Variants in ITGAL observed in about 807,000 individuals in gnomAD.
ITGAL encodes integrin alpha-L.
In ITGAL, 68 loss-of-function variants were observed where a neutral mutation model predicts 138.4. That is an observed-to-expected ratio of 0.49 (90% CI 0.40 to 0.60). The LOEUF (loss-of-function observed/expected upper bound fraction) is 0.60, where lower values mean the gene tolerates loss of function less well. ITGAL is among the 20% of genes least tolerant of loss of function. ITGAL has a pLI of 0.00. For synonymous variants in ITGAL, 561 were observed against 584.3 expected (o/e 0.96, Z 0.57); for missense variants, 1,256 against 1,478.6 (o/e 0.85, Z 2.47).
rs7201914 is a variant in ITGAL, at chr16:30,510,934, G to C, written c.2673G>C (p.Ser891=). ...NTLVNSSWGD[S]VELHANVTCN... is the part of the protein sequence containing the mutation. ...TGGTAAACAGCTCCTGGGGGGACTC[G>C]GTTGAATTGCACGCCAATGTGACCT... The change falls in exon 23 of 31, where the codon TCG becomes TCC. Residue 891 remains serine, a synonymous_variant. Transcript: ENST00000356798. 1.9e-6 allele frequency: 3 copies of C among 1,613,846 alleles called. No homozygotes were observed. The highest frequency in any genetic ancestry group is 2.2e-5 in the East Asian group (1 of 44,866).
In ITGAL at chr16:30,481,530, A is replaced by G. The variant is rs1370201138; in HGVS notation, c.668A>G (p.His223Arg). ...KRKDPDALLK[H>R]VKHMLLLTNT... ...AAGGACCCTGATGCTCTGCTGAAGCATGTAAAGCACATGTTGCTGTTGACC... is the reference window on the plus strand; with the variant it reads ...AAGGACCCTGATGCTCTGCTGAAGCGTGTAAAGCACATGTTGCTGTTGACC... The change falls in exon 7 of 31, where the codon CAT becomes CGT. Residue 223 changes from histidine to arginine, a missense_variant. Transcript: ENST00000356798. The G allele has an allele frequency of 6.2e-7, 1 of 1,613,772 alleles. No individual in the cohort carries two copies. The highest frequency in any genetic ancestry group is 8.5e-7 in the Non-Finnish European group (1 of 1,179,808).
At chr16:30,478,984 A>G in intron 4 of ITGAL, 107 bp from the exon 5 acceptor site, 1 of 802,332 alleles carries the variant, frequency 1.2e-6, no homozygotes, top group Non-Finnish European at 2.1e-6. Context: ...GGATAGAGGA[A>G]GTGAGAAAGA....
chr16:30,474,022 G>A (rs567471117), intron 1 of ITGAL, 174 bp from the exon 2 acceptor site: 11 of 696,966 alleles, frequency 1.6e-5, no homozygotes, highest in African/African-American at 3.5e-5. Flanking sequence ...AGAGCTCTAG[G>A]GGGGCCGGGA....
chr16:30,485,936 T>C (rs1415268731), intron 9 of ITGAL, among the ~76,000 whole-genome samples: 1 of 152,132 alleles, frequency 6.6e-6, no homozygotes, highest in African/African-American at 2.4e-5. Flanking sequence ...GCAGAGTGAA[T>C]GTAATTCCTC....
At chr16:30,513,313 G>A (rs986562313) in intron 24 of ITGAL, among the ~76,000 whole-genome samples, 2 of 152,168 alleles carry the variant, frequency 1.3e-5, no homozygotes, top group Non-Finnish European at 2.9e-5. Flanking sequence ...GGACATGGGA[G>A]GCTTTGGACC....
intron 29 of ITGAL, 54 bp downstream of exon 29, chr16:30,518,773 G>A: frequency 7.4e-7 from 1 of 1,354,562 alleles, no homozygotes. Flanking sequence ...GAGCCCAGGA[G>A]CCCCAGGGCA....
intron 26 of ITGAL, among the ~76,000 whole-genome samples, 170 bp from the exon 27 acceptor site, chr16:30,517,478 AG>A (rs1260914534): frequency 2.0e-5 from 3 of 152,090 alleles, no homozygotes; most frequent in Non-Finnish European, 2.9e-5. Context: ...AAAAAAATCA[AG>A]GGGGCAAGGC....
In ITGAL at chr16:30,516,913, C is replaced by T. The variant is rs1279073142; in HGVS notation, c.2863-60C>T. The T allele has an allele frequency of 3.4e-6, 4 of 1,190,356 alleles. No individual in the cohort carries two copies. In the East Asian group the frequency reaches 9.4e-5, roughly 28 times the overall value. 73.7% of individuals were successfully genotyped at this position (1,190,356 alleles called of 1,614,324 possible). On this transcript the variant is annotated intron_variant, in intron 25 of 30. Transcript: ENST00000356798. ...AGAGGCGTGCAAGGGCACACAGGGT[C>T]TGGGGGGCAGCTGGGGTGGCTGGCA...
intron 20 of ITGAL, among the ~76,000 whole-genome samples, chr16:30,506,185 T>C (rs1445131931): frequency 6.8e-6 from 1 of 147,732 alleles, no homozygotes; most frequent in Non-Finnish European, 1.5e-5. Context: ...GCTTGAATTC[T>C]GGAGGTGGAG....
chr16:30,510,818 TG>T, intron 22 of ITGAL, 62 bp from the exon 23 acceptor site: 1 of 1,267,726 alleles, frequency 7.9e-7, no homozygotes, highest in Non-Finnish European at 1.2e-6. Context: ...TGATTAGATG[TG>T]GGGGCCATGA....
At position 30,494,072 on chromosome 16, in the gene ITGAL, C is replaced by A; in HGVS notation, c.1214-140C>A. 1 of 687,488 alleles carries A rather than the reference C, an allele frequency of 1.5e-6. No individual in the cohort carries two copies. Among genetic ancestry groups the A allele is most frequent in the South Asian group, 2.5e-5 (1 of 40,802 alleles). 42.6% of individuals were successfully genotyped at this position (687,488 alleles called of 1,614,324 possible). A position where few individuals can be genotyped will look rare whatever the true frequency, so the allele number is the denominator to read the frequency against. On this transcript the variant is annotated intron_variant, in intron 11 of 30. Coordinates refer to ENST00000356798, the MANE Select transcript of ITGAL (RefSeq NM_002209.3). This position sits in a 1 kb window ranked among gnomAD's most constrained non-coding sequence, Gnocchi z 4.2. The stretch of plus-strand genomic sequence containing the variant: ...TTGTTTGGCTGGGAGCACATGGATG[C>A]TTTTCTCAGGAGAAGGTCTTCAGCT...
chr16:30,510,248 G>A, intron 21 of ITGAL, 113 bp from the exon 22 acceptor site: 3 of 688,896 alleles, frequency 4.4e-6, no homozygotes, highest in Non-Finnish European at 2.6e-6. Flanking sequence ...CCGCTGAGAA[G>A]GTTCCATGAC....
In ITGAL at chr16:30,494,638, C is replaced by T. The variant is rs907995059; in HGVS notation, c.1366-75C>T. ...ATTTGAGGGAGTGGCACAAGATGAACACGGTACAGGTATCTCCCTGCCAAC... is the reference window on the plus strand; with the variant it reads ...ATTTGAGGGAGTGGCACAAGATGAATACGGTACAGGTATCTCCCTGCCAAC... On this transcript the variant is annotated intron_variant, in intron 12 of 30. Coordinates refer to ENST00000356798, the MANE Select transcript of ITGAL (RefSeq NM_002209.3). The surrounding 1 kb of genome is among the most constrained non-coding windows in gnomAD (Gnocchi z 4.2). 7 of 1,488,328 alleles carry T rather than the reference C, an allele frequency of 4.7e-6. No individual in the cohort carries two copies. The African/African-American group carries it at 5.6e-5, about 12-fold the overall frequency. The allele number at this position is 1,488,328 out of a possible 1,614,324, so 92.2% of individuals were successfully genotyped here.
intron 18 of ITGAL, chr16:30,504,928 T>C (rs1314999649): frequency 5.5e-6 from 1 of 181,160 alleles, no homozygotes; most frequent in Non-Finnish European, 1.1e-5. Context: ...GGCTGAGGCA[T>C]AAGAATCGCT....
At position 30,517,661 on chromosome 16, in the gene ITGAL, C is replaced by G; in HGVS notation, c.2989C>G (p.Pro997Ala). The change falls in exon 27 of 31, where the codon CCC becomes GCC. Residue 997 changes from proline (P) to alanine (A), a missense_variant. Around this residue, in one of 3 missense-constraint regions of ITGAL, gnomAD observed 867 missense variants for 972.5 expected, o/e 0.89. Transcript: ENST00000356798. Reference protein sequence around the residue: ...QWSVQMEPPVPCHYEDLERLP... With the variant: ...QWSVQMEPPVACHYEDLERLP... ...CGCTTGTTCCTAGGAGCCTCCCGTG[C>G]CCTGCCACTATGAGGATCTGGAGAG... 6.2e-7 allele frequency: 1 copy of G among 1,613,986 alleles called. No homozygotes were observed. The highest frequency in any genetic ancestry group is 8.5e-7 in the Non-Finnish European group (1 of 1,179,858).
intron 9 of ITGAL, among the ~76,000 whole-genome samples, chr16:30,484,861 G>A (rs2050617101): frequency 6.6e-6 from 1 of 151,546 alleles, no homozygotes; most frequent in African/African-American, 2.4e-5. Context: ...GGAGGTTGTA[G>A]TGAGCTGAGA....
In ITGAL at chr16:30,516,992, T is replaced by A; in HGVS notation, c.2882T>A (p.Ile961Asn). ...HMYQVRIQPS[I>N]HDHNIPTLEA... ...TGCCAGGTGAGGATCCAGCCTTCCA[T>A]CCACGACCACAACATACCCACCCTG... The change falls in exon 26 of 31, where the codon ATC becomes AAC. Residue 961 changes from isoleucine to asparagine, a missense_variant. Around this residue, in one of 3 missense-constraint regions of ITGAL, gnomAD observed 867 missense variants for 972.5 expected, o/e 0.89. Transcript: ENST00000356798. 6.2e-7 allele frequency: 1 copy of A among 1,613,574 alleles called. No homozygotes were observed. The highest frequency in any genetic ancestry group is 1.1e-5 in the South Asian group (1 of 91,080).
chr16:30,499,669 ATATATGTGTATATATATG>A, intron 17 of ITGAL, 180 bp downstream of exon 17: 1 of 208,706 alleles, frequency 4.8e-6, no homozygotes, highest in Non-Finnish European at 9.1e-6. Flanking sequence ...TAAATTATAT[ATATATGTGTATATATATG>A]TATATATATG....
intron 1 of ITGAL, among the ~76,000 whole-genome samples, chr16:30,473,370 TTGCAG>T (rs1447621826): frequency 1.3e-5 from 2 of 152,130 alleles, no homozygotes; most frequent in Non-Finnish European, 2.9e-5. Context: ...GAGGCAGAGG[TTGCAG>T]TGAGCCAAGC....
Sources: gnomAD v4.1 joint callset for allele counts (sites outside exome capture counted in the v4.1 genomes callset) on GRCh38, gnomAD v4.1.1 for gene constraint, gnomAD v4.1.1 regional missense constraint, Gnocchi (gnomAD v3.1) non-coding constraint, MANE v1.5 for transcripts, NCBI Gene and HGNC (gene_info 2026-07-23, HGNC 2026-07-21) for gene names.